MAMDC2: variants seen among roughly 807,000 people sequenced by gnomAD.
The protein encoded by MAMDC2 is MAM domain containing 2, also known as MAM domain-containing protein 2.
A neutral mutation model predicts 89.8 loss-of-function variants in MAMDC2; 57 were observed. The observed-to-expected ratio is 0.63, with a 90% CI of 0.51 to 0.79. The LOEUF is 0.79. Among genes scored for constraint, MAMDC2 ranks in the 30% least tolerant of loss-of-function variants. MAMDC2 has a pLI of 0.00. For synonymous variants in MAMDC2, 313 were observed against 293.4 expected, an observed-to-expected ratio of 1.07 and a Z score of -0.68; for missense variants, 800 against 820.6, an observed-to-expected ratio of 0.97 and a Z score of 0.31.
intron 9 of MAMDC2, among the ~76,000 whole-genome samples, chr9:70,156,650 C>A (rs981954381): frequency 8.5e-5 from 13 of 152,224 alleles, no homozygotes; most frequent in African/African-American, 3.1e-4. Context: ...GTACACAGAA[C>A]AAGGAAAATT....
chr9:70,146,863 A>C lies in MAMDC2; in HGVS notation c.1404+3044A>C, dbSNP rs746493232. 2.0e-5 allele frequency among the ~76,000 whole-genome samples: 3 copies of C among 152,132 alleles called. No homozygotes were observed. The South Asian group carries it at 6.2e-4, about 32-fold the overall frequency. On this transcript the variant is annotated intron_variant, in intron 9 of 13. Coordinates refer to ENST00000377182, the MANE Select transcript of MAMDC2 (RefSeq NM_153267.5). ...GACAGGAGAGTCACTTGAACCCAGG[A>C]GGCGGAGGTTGCAGTGAGCCAAGAT...
chr9:70,130,008 CTGTGTGTGTGTGTGTGTGTGTG>C (rs71364580), intron 6 of MAMDC2, among the ~76,000 whole-genome samples: 3 of 147,096 alleles, frequency 2.0e-5, no homozygotes, highest in Non-Finnish European at 1.5e-5. Context: ...ACATGGCATT[CTGTGTGTGTGTGTGTGTGTGTG>C]TGTGTGTGTG....
intron 9 of MAMDC2, among the ~76,000 whole-genome samples, chr9:70,158,204 G>T (rs962650770): frequency 1.1e-4 from 16 of 152,050 alleles, no homozygotes; most frequent in Non-Finnish European, 2.2e-4. Context: ...ATCCACCCAT[G>T]TATGACCTCC....
chr9:70,150,961 T>C (rs1487585434), intron 9 of MAMDC2, among the ~76,000 whole-genome samples: 6 of 152,230 alleles, frequency 3.9e-5, no homozygotes, highest in Admixed American at 3.9e-4. Flanking sequence ...CATCCCATAC[T>C]GTGGTTTTTG....
At chr9:70,199,147 G>A (rs2033041979) in intron 11 of MAMDC2, among the ~76,000 whole-genome samples, 1 of 146,814 alleles carries the variant, frequency 6.8e-6, no homozygotes, top group African/African-American at 2.5e-5. Flanking sequence ...GTGCTGGTGC[G>A]CTGCACCCAC....
At chr9:70,049,855 T>G (rs931823407) in intron 2 of MAMDC2, among the ~76,000 whole-genome samples, 1 of 152,166 alleles carries the variant, frequency 6.6e-6, no homozygotes, top group African/African-American at 2.4e-5. Context: ...TGCTTCTGCC[T>G]TGCTTCCTGG....
intron 12 of MAMDC2, among the ~76,000 whole-genome samples, chr9:70,223,198 A>G (rs2033597782): frequency 6.6e-6 from 1 of 151,494 alleles, no homozygotes; most frequent in African/African-American, 2.4e-5. Context: ...TGATGCCCAT[A>G]GTAATTTTTT....
At chr9:70,197,003 A>G (rs1207132546) in intron 11 of MAMDC2, among the ~76,000 whole-genome samples, 1 of 152,162 alleles carries the variant, frequency 6.6e-6, no homozygotes, top group Non-Finnish European at 1.5e-5. Context: ...AGTCCTGTTA[A>G]TAAGAGACAA....
chr9:70,168,173 A>G (rs1360625887), intron 9 of MAMDC2, among the ~76,000 whole-genome samples: 1 of 152,154 alleles, frequency 6.6e-6, no homozygotes, highest in East Asian at 1.9e-4. Flanking sequence ...TGCACAATAT[A>G]TCGTTATATT....
chr9:70,166,292 CACACACACACACAT>C (rs1361622245), intron 9 of MAMDC2, among the ~76,000 whole-genome samples: 1 of 72,106 alleles, frequency 1.4e-5, no homozygotes, highest in African/African-American at 3.6e-5. Context: ...CACACACACA[CACACACACACACAT>C]ATATATATAT....
Position 70,144,959 on chromosome 9 carries a change from C to G in MAMDC2, c.1404+1140C>G, listed in dbSNP as rs2031350230. Among the ~76,000 whole-genome samples, 3 of 152,174 alleles carry G rather than the reference C, an allele frequency of 2.0e-5. 1 individual carries two copies. The highest frequency in any genetic ancestry group is 4.4e-5 in the Non-Finnish European group (3 of 68,024). On this transcript the variant is annotated intron_variant, in intron 9 of 13. Coordinates refer to ENST00000377182, the MANE Select transcript of MAMDC2 (RefSeq NM_153267.5). ...CCCTCCAGGACATCATTAAACTTTA[C>G]CATGGTTAATCAAAGATCTCTGAAA...
intron 2 of MAMDC2, among the ~76,000 whole-genome samples, chr9:70,059,880 A>T (rs970964549): frequency 1.3e-5 from 2 of 152,184 alleles, no homozygotes; most frequent in African/African-American, 2.4e-5. Context: ...TGATTCACTG[A>T]TGAATTAAAT....
At chr9:70,131,379 A>G (rs965560024) in intron 6 of MAMDC2, 140 bp from the exon 7 acceptor site, 6 of 610,904 alleles carry the variant, frequency 9.8e-6, no homozygotes, top group Admixed American at 3.4e-5. Context: ...GCCCAAACTC[A>G]TATTTGGAAA....
intron 11 of MAMDC2, among the ~76,000 whole-genome samples, chr9:70,177,369 T>C (rs2032531271): frequency 6.6e-6 from 1 of 152,156 alleles, no homozygotes; most frequent in East Asian, 1.9e-4. Flanking sequence ...TGTGTTCTGC[T>C]TGGGACAGAG....
chr9:70,148,163 C>T (rs1005968051), intron 9 of MAMDC2: 1 of 150,378 alleles, frequency 6.6e-6, no homozygotes, highest in East Asian at 1.9e-4. Context: ...ACTGAGCAAT[C>T]AGTTCCTGGG....
intron 9 of MAMDC2, among the ~76,000 whole-genome samples, chr9:70,158,939 A>G (rs2031863290): frequency 6.6e-6 from 1 of 152,076 alleles, no homozygotes; most frequent in African/African-American, 2.4e-5. Context: ...TGGTAGTATA[A>G]TCTTATGGAA....
chr9:70,182,478 C>A (rs1313101988), intron 11 of MAMDC2, among the ~76,000 whole-genome samples: 1 of 152,176 alleles, frequency 6.6e-6, no homozygotes, highest in African/African-American at 2.4e-5. Flanking sequence ...GTGAATCCAT[C>A]TGGTCCTGGG....
chr9:70,206,964 C>T (rs534801572), intron 11 of MAMDC2, among the ~76,000 whole-genome samples: 1 of 152,080 alleles, frequency 6.6e-6, no homozygotes, highest in Middle Eastern at 3.2e-3. Context: ...AGAACTCATC[C>T]TTTTTTATGG....
chr9:70,207,749 G>A (rs2033257341), intron 11 of MAMDC2, among the ~76,000 whole-genome samples: 1 of 152,118 alleles, frequency 6.6e-6, no homozygotes, highest in Non-Finnish European at 1.5e-5. Flanking sequence ...TTCTTCTAGG[G>A]TTTTTATGGT....
Sources: gnomAD v4.1 joint callset for allele counts (sites outside exome capture counted in the v4.1 genomes callset) on GRCh38, gnomAD v4.1.1 for gene constraint, MANE v1.5 for transcripts, NCBI Gene and HGNC (gene_info 2026-07-23, HGNC 2026-07-21) for gene names.